The following SCMH1 variants were observed in gnomAD, a reference collection of about 807,000 sequenced individuals.
The protein encoded by SCMH1 is Scm polycomb group protein homolog 1.
A neutral mutation model predicts 70.8 loss-of-function variants in SCMH1; 37 were observed. That is an observed-to-expected ratio of 0.52 (90% CI 0.40 to 0.69). SCMH1 has a LOEUF of 0.69. SCMH1 is among the 30% of genes least tolerant of loss of function. The pLI, the probability that SCMH1 is intolerant of heterozygous loss-of-function variation, is 0.00. For missense variants in SCMH1, 607 were observed against 827.3 expected, an observed-to-expected ratio of 0.73 and a Z score of 3.27; for synonymous variants, 292 against 307.4, an observed-to-expected ratio of 0.95 and a Z score of 0.52.
At chr1:41,167,714 T>G (rs1646501342) in intron 2 of SCMH1, among the ~76,000 whole-genome samples, 1 of 152,306 alleles carries the variant, frequency 6.6e-6, no homozygotes, top group Non-Finnish European at 1.5e-5. Context: ...AGTTGTAATA[T>G]CTCCTCTTTC....
At chr1:41,098,417 G>A (rs1278252093) in intron 8 of SCMH1, among the ~76,000 whole-genome samples, 1 of 152,158 alleles carries the variant, frequency 6.6e-6, no homozygotes, top group Non-Finnish European at 1.5e-5. Context: ...TGTGCCAGGT[G>A]TTCTAATATG....
At chr1:41,067,391 C>A (rs1475499612) in intron 10 of SCMH1, among the ~76,000 whole-genome samples, 2 of 146,208 alleles carry the variant, frequency 1.4e-5, no homozygotes, top group Non-Finnish European at 3.0e-5. Flanking sequence ...TTGCAGTGAG[C>A]TGAGATCGCG....
chr1:41,130,087 A>G (rs1674261863), intron 6 of SCMH1, among the ~76,000 whole-genome samples: 1 of 152,196 alleles, frequency 6.6e-6, no homozygotes, highest in African/African-American at 2.4e-5. Flanking sequence ...ATTAGTGATC[A>G]TGAACATATT....
At chr1:41,106,697 T>G (rs1371440718) in intron 8 of SCMH1, among the ~76,000 whole-genome samples, 1 of 151,812 alleles carries the variant, frequency 6.6e-6, no homozygotes. Flanking sequence ...TTTTTTCCTT[T>G]TTCTTTTTTT....
chr1:41,117,107 AG>A (rs1386507876), intron 6 of SCMH1, 97 bp from the exon 7 acceptor site: 1 of 804,804 alleles, frequency 1.2e-6, no homozygotes, highest in Non-Finnish European at 1.9e-6. Flanking sequence ...CAAGAGACCG[AG>A]GGCACGAGCT....
At chr1:41,116,187 CA>C (rs1181918663) in intron 7 of SCMH1, among the ~76,000 whole-genome samples, 2 of 152,156 alleles carry the variant, frequency 1.3e-5, no homozygotes, top group African/African-American at 4.8e-5. Flanking sequence ...TTTCTAGTCC[CA>C]AAGAATACAA....
intron 1 of SCMH1, among the ~76,000 whole-genome samples, chr1:41,196,557 A>G (rs532008651): frequency 1.3e-5 from 2 of 152,332 alleles, no homozygotes. Flanking sequence ...AAAATTTATC[A>G]ATGACCTAAA....
chr1:41,027,952 G>A, exon 15 of SCMH1: 1 of 529,488 alleles, frequency 1.9e-6, no homozygotes, highest in Non-Finnish European at 3.3e-6. Flanking sequence ...AGGGACCTTA[G>A]AGCCCCGGCA....
Position 41,197,695 on chromosome 1 carries a change from TA to T in SCMH1, c.-117-11446del, listed in dbSNP as rs143438352. Among the ~76,000 whole-genome samples, 135 of 150,970 alleles carry T rather than the reference TA, an allele frequency of 8.9e-4. 1 individual carries two copies. The highest frequency in any genetic ancestry group is 2.7e-3 in the African/African-American group (113 of 41,144). ...AAGTTTATGTATATTTTGCCACAAT[TA>T]AAAAAAAACAGGCAACAGGTGGATG... On this transcript the variant is annotated intron_variant, in intron 1 of 14. Coordinates refer to ENST00000337495, the Ensembl canonical transcript of SCMH1.
chr1:41,075,405 C>T, exon 9 of SCMH1: 1 of 1,614,064 alleles, frequency 6.2e-7, no homozygotes, highest in Non-Finnish European at 8.5e-7. Flanking sequence ...TGCTGGGCTT[C>T]TCAGTATTCA....
chr1:41,161,732 T>C (rs879694434), intron 2 of SCMH1, among the ~76,000 whole-genome samples: 37 of 152,106 alleles, frequency 2.4e-4, no homozygotes, highest in Non-Finnish European at 4.0e-4. Context: ...AAAGAACAAA[T>C]GGGAAAATGG....
At chr1:41,096,464 A>G (rs919427174) in intron 8 of SCMH1, among the ~76,000 whole-genome samples, 2 of 152,248 alleles carry the variant, frequency 1.3e-5, no homozygotes, top group East Asian at 3.8e-4. Flanking sequence ...ATTACATGAA[A>G]TAACAATTGA....
At chr1:41,198,873 A>C (rs748877943) in intron 1 of SCMH1, among the ~76,000 whole-genome samples, 11 of 152,220 alleles carry the variant, frequency 7.2e-5, no homozygotes, top group Non-Finnish European at 1.3e-4. Flanking sequence ...AGATCAGAGA[A>C]TGGTATATAC....
intron 8 of SCMH1, among the ~76,000 whole-genome samples, chr1:41,091,205 T>G (rs1450143181): frequency 6.6e-6 from 1 of 152,128 alleles, no homozygotes; most frequent in African/African-American, 2.4e-5. Flanking sequence ...GCTGGCTTCA[T>G]CCCTGGGATG....
At chr1:41,071,100 C>T (rs1056976715) in intron 9 of SCMH1, among the ~76,000 whole-genome samples, 1 of 151,690 alleles carries the variant, frequency 6.6e-6, no homozygotes, top group African/African-American at 2.4e-5. Context: ...AAAATGGAAA[C>T]AAACAAAAAA....
chr1:41,156,463 C>G (rs568501125), intron 4 of SCMH1, among the ~76,000 whole-genome samples: 7 of 152,126 alleles, frequency 4.6e-5, no homozygotes, highest in Admixed American at 1.3e-4. Flanking sequence ...GAGACGGGGT[C>G]TTGCTTTGAG....
chr1:41,187,394 G>A (rs933112505), intron 1 of SCMH1, among the ~76,000 whole-genome samples: 3 of 151,262 alleles, frequency 2.0e-5, no homozygotes, highest in African/African-American at 7.3e-5. Context: ...CCCAGGAGGC[G>A]GAGGTTGCAG....
At chr1:41,058,112 T>C (rs1349487426) in intron 10 of SCMH1, among the ~76,000 whole-genome samples, 8 of 142,588 alleles carry the variant, frequency 5.6e-5, no homozygotes, top group Admixed American at 1.4e-4. Context: ...CAGAGGGAGA[T>C]TGTCTCAAAA....
At chr1:41,177,121 G>C (rs1224713734) in intron 2 of SCMH1, among the ~76,000 whole-genome samples, 1 of 152,218 alleles carries the variant, frequency 6.6e-6, no homozygotes, top group Non-Finnish European at 1.5e-5. Flanking sequence ...CTGATACCCA[G>C]GCAAACAGGG....
Sources: gnomAD v4.1 joint callset for allele counts (sites outside exome capture counted in the v4.1 genomes callset) on GRCh38, gnomAD v4.1.1 for gene constraint, MANE v1.5 for transcripts, NCBI Gene and HGNC (gene_info 2026-07-23, HGNC 2026-07-21) for gene names.